The following ALG13 variants were observed in gnomAD, a reference collection of about 807,000 sequenced individuals.
ALG13 encodes the protein UDP-N-acetylglucosamine transferase subunit ALG13.
In ALG13, 11 loss-of-function variants were observed where a neutral mutation model predicts 87.8. The observed-to-expected ratio is 0.13, with a 90% CI of 0.08 to 0.21. The LOEUF is 0.21. ALG13 is among the 10% of genes least tolerant of loss of function. The pLI, the probability that ALG13 is intolerant of heterozygous loss-of-function variation, is 1.00. For missense variants in ALG13, 756 were observed against 866.1 expected (o/e 0.87, Z 1.60); for synonymous variants, 320 against 306.3 (o/e 1.04, Z -0.47).
chrX:111,705,707 T>C (rs758818632), intron 3 of ALG13, among the ~76,000 whole-genome samples: 11 of 112,073 alleles, frequency 9.8e-5, no homozygotes, highest in Non-Finnish European at 2.1e-4. Context: ...ATGAAAATGC[T>C]ATCTTTTTTC....
At chrX:111,705,676 C>A (rs753175706) in intron 3 of ALG13, among the ~76,000 whole-genome samples, 2 of 111,289 alleles carry the variant, frequency 1.8e-5, no homozygotes, top group East Asian at 5.7e-4. Context: ...TGTGGATGGT[C>A]AATTGTTCTG....
intron 3 of ALG13, chrX:111,690,135 A>T (rs768436536): frequency 3.2e-4 from 241 of 750,719 alleles, no homozygotes; most frequent in Non-Finnish European, 3.7e-4. Context: ...CACCACATTT[A>T]CATCTTATTA....
chrX:111,698,093 C>T (rs950644560), intron 3 of ALG13, among the ~76,000 whole-genome samples: 3 of 112,031 alleles, frequency 2.7e-5, no homozygotes, highest in African/African-American at 6.5e-5. Flanking sequence ...CCTATTCCTC[C>T]GCATCTCTGT....
chrX:111,707,129 T>C (rs764382798), intron 3 of ALG13, among the ~76,000 whole-genome samples: 1 of 111,451 alleles, frequency 9.0e-6, no homozygotes, highest in Non-Finnish European at 1.9e-5. Flanking sequence ...CCTTTGGCAC[T>C]TAGTATTTTC....
intron 23 of ALG13, among the ~76,000 whole-genome samples, chrX:111,737,985 G>A (rs1250392213): frequency 8.9e-6 from 1 of 112,097 alleles, no homozygotes; most frequent in Non-Finnish European, 1.9e-5. Flanking sequence ...AAGGATTAAG[G>A]TCAAATGCTA....
rs1944894049 is a variant in ALG13, at chrX:111,752,986, G to A, written c.2973+156G>A. ...TCTCTGAAGATGACATAGTTCAGTT[G>A]TCTGCTTTAGCCTCCCAGTGCTTTA... On this transcript the variant is annotated intron_variant, in intron 25 of 26. Coordinates refer to ENST00000394780, the MANE Select transcript of ALG13 (RefSeq NM_001099922.3). 5 of 412,119 alleles carry A rather than the reference G, an allele frequency of 1.2e-5. No homozygotes were observed. In the East Asian group the frequency reaches 1.7e-4, roughly 14 times the overall value. The allele number at this position is 412,119 out of a possible 1,213,427, so 34.0% of individuals were successfully genotyped here. A position where few individuals can be genotyped will look rare whatever the true frequency, so the allele number is the denominator to read the frequency against.
chrX:111,681,687 A>C, intron 1 of ALG13: 1 of 840,282 alleles, frequency 1.2e-6, no homozygotes, highest in Non-Finnish European at 1.4e-6. Context: ...TGTGGACCGC[A>C]CGTCGGCGCC....
In ALG13 at chrX:111,732,357, C is replaced by G. The variant is rs759631468; in HGVS notation, c.2457+1777C>G. On this transcript the variant is annotated intron_variant, in intron 21 of 26. Transcript: ENST00000394780. ...TAGGTTATGCTGCAGTTAACAACCC[C>G]CCAAAATCTCAGTGGCTTAACTCAG... Among the ~76,000 whole-genome samples the G allele has an allele frequency of 6.3e-5, 7 of 111,976 alleles. No homozygotes were observed. In the South Asian group the frequency reaches 2.6e-3, roughly 42 times the overall value.
chrX:111,709,755 G>A (rs997537264), intron 5 of ALG13, among the ~76,000 whole-genome samples: 5 of 107,738 alleles, frequency 4.6e-5, no homozygotes, highest in Admixed American at 2.0e-4. Flanking sequence ...GTGGGTATTC[G>A]CCTGCTGTTC....
intron 3 of ALG13, among the ~76,000 whole-genome samples, chrX:111,691,826 T>C (rs765243512): frequency 8.9e-6 from 1 of 112,978 alleles, no homozygotes; most frequent in South Asian, 3.6e-4. Context: ...AGAATCCATG[T>C]GTAGAATCCA....
At chrX:111,688,432 T>TA (rs1935507036) in intron 3 of ALG13, 1 of 747,062 alleles carries the variant, frequency 1.3e-6, no homozygotes, top group African/African-American at 2.3e-5. Context: ...GAACCAAATT[T>TA]AAAAAATGAT....
chrX:111,722,839 T>C lies in ALG13; in HGVS notation c.1482T>C (p.Tyr494=). Residue 494 remains tyrosine, a synonymous_variant, in exon 13 of 27, where the codon TAT becomes TAC. Coordinates refer to ENST00000394780, the MANE Select transcript of ALG13 (RefSeq NM_001099922.3). Reference sequence around the variant, plus strand: ...TGGAGTATGCTGGGAGACAGTACTATTTGGGAGACAAGTGTCAGGTTAGTT... The same window carrying C: ...TGGAGTATGCTGGGAGACAGTACTACTTGGGAGACAAGTGTCAGGTTAGTT... ...DYMEYAGRQY[Y]LGDKCQVCLE... 8.3e-7 allele frequency: 1 copy of C among 1,200,074 alleles called. No individual in the cohort carries two copies. The highest frequency in any genetic ancestry group is 1.8e-5 in the South Asian group (1 of 55,230).
chrX:111,725,207 A>G lies in ALG13; in HGVS notation c.1729+146A>G, dbSNP rs1305212247. The G allele has an allele frequency of 4.3e-6, 3 of 704,067 alleles. No homozygotes were observed. In the African/African-American group the frequency reaches 6.5e-5, roughly 15 times the overall value. 58.0% of individuals were successfully genotyped at this position (704,067 alleles called of 1,213,427 possible). On this transcript the variant is annotated intron_variant, in intron 15 of 26. Coordinates refer to ENST00000394780, the MANE Select transcript of ALG13 (RefSeq NM_001099922.3). ...TTTAGCATTACTGATAATGGAATGG[A>G]TACTACTTCACTGTCGGGGGTTTGT...
chrX:111,736,227 C>T (rs1943229252), intron 22 of ALG13, among the ~76,000 whole-genome samples: 1 of 111,755 alleles, frequency 8.9e-6, no homozygotes, highest in East Asian at 2.8e-4. Flanking sequence ...TCACTTGAGC[C>T]TGGAAAGTTG....
chrX:111,707,883 C>A, intron 3 of ALG13, 144 bp from the exon 4 acceptor site: 1 of 665,104 alleles, frequency 1.5e-6, no homozygotes, highest in Non-Finnish European at 2.2e-6. Flanking sequence ...TTTTCTCAAC[C>A]TTGGTCTGAT....
chrX:111,711,320 T>C (rs1203615214), intron 5 of ALG13, among the ~76,000 whole-genome samples: 1 of 112,374 alleles, frequency 8.9e-6, no homozygotes, highest in East Asian at 2.8e-4. Context: ...TTTAATTTTG[T>C]AAATGCATGT....
At chrX:111,732,910 TACC>T (rs1207756373) in intron 21 of ALG13, among the ~76,000 whole-genome samples, 1 of 111,463 alleles carries the variant, frequency 9.0e-6, no homozygotes, top group African/African-American at 3.3e-5. Flanking sequence ...GTAAGAATCT[TACC>T]ACAAGGGATG....
chrX:111,699,347 A>C (rs1045109417), intron 3 of ALG13, among the ~76,000 whole-genome samples: 1 of 110,229 alleles, frequency 9.1e-6, no homozygotes, highest in African/African-American at 3.3e-5. Flanking sequence ...TTGTCTCTTC[A>C]CTTTGTTAAT....
intron 25 of ALG13, 91 bp from the exon 26 acceptor site, chrX:111,757,497 T>A (rs1025208861): frequency 1.8e-5 from 11 of 622,944 alleles, no homozygotes; most frequent in Non-Finnish European, 2.2e-5. Context: ...ATTCTTATTT[T>A]TTTTTTTTTT....
Sources: gnomAD v4.1 joint callset for allele counts (sites outside exome capture counted in the v4.1 genomes callset) on GRCh38, gnomAD v4.1.1 for gene constraint, MANE v1.5 for transcripts, NCBI Gene and HGNC (gene_info 2026-07-23, HGNC 2026-07-21) for gene names.